ZNF710: variants seen among roughly 807,000 people sequenced by gnomAD.
The protein encoded by ZNF710 is zinc finger protein 710.
A neutral mutation model predicts 50.6 loss-of-function variants in ZNF710; 13 were observed. The observed-to-expected ratio is 0.26, with a 90% CI of 0.17 to 0.41. The LOEUF (loss-of-function observed/expected upper bound fraction) is 0.41. ZNF710 is among the 10% of genes least tolerant of loss of function. The pLI, the probability that ZNF710 is intolerant of heterozygous loss-of-function variation, is 1.00. For missense variants in ZNF710, 721 were observed against 936.6 expected (o/e 0.77, Z 3.01); for synonymous variants, 383 against 397.0 (o/e 0.96, Z 0.42).
At chr15:90,028,706 G>C (rs1429658448) in intron 1 of ZNF710, among the ~76,000 whole-genome samples, 1 of 152,334 alleles carries the variant, frequency 6.6e-6, no homozygotes, top group South Asian at 2.1e-4. Context: ...TTGTTGGGCA[G>C]TGTGGACAGA....
At chr15:90,071,969 C>A (rs537137014) in intron 2 of ZNF710, among the ~76,000 whole-genome samples, 1 of 151,966 alleles carries the variant, frequency 6.6e-6, no homozygotes, top group African/African-American at 2.4e-5. Context: ...CCACCGTGCC[C>A]GGCCTTTTTC....
intron 1 of ZNF710, among the ~76,000 whole-genome samples, chr15:90,041,768 T>C (rs1486503010): frequency 6.6e-6 from 1 of 152,192 alleles, no homozygotes; most frequent in Non-Finnish European, 1.5e-5. Context: ...AGGAGCTGGA[T>C]GGCACATGGT....
chr15:90,063,516 A>G lies in ZNF710; in HGVS notation c.-28-3594A>G, dbSNP rs1269946512. ...CTGCCCTGCCCCCACTTAGGCACAA[A>G]CCCTCAGGAACAAGGACTCTGGGTT... On this transcript the variant is annotated intron_variant, in intron 1 of 4. Transcript: ENST00000268154. 2.6e-5 allele frequency among the ~76,000 whole-genome samples: 4 copies of G among 151,978 alleles called. No individual in the cohort carries two copies. In the East Asian group the frequency reaches 7.8e-4, roughly 29 times the overall value.
At chr15:90,063,288 C>T (rs568587291) in intron 1 of ZNF710, among the ~76,000 whole-genome samples, 9 of 152,160 alleles carry the variant, frequency 5.9e-5, no homozygotes, top group African/African-American at 2.2e-4. Flanking sequence ...CCCAACTCCC[C>T]CTTCATTGAT....
At chr15:90,031,685 A>G (rs1268275118) in intron 1 of ZNF710, among the ~76,000 whole-genome samples, 1 of 152,200 alleles carries the variant, frequency 6.6e-6, no homozygotes, top group Admixed American at 6.5e-5. Flanking sequence ...TTCATGCAGC[A>G]GGGGCATCTT....
chr15:90,043,507 G>C (rs963565442), intron 1 of ZNF710, among the ~76,000 whole-genome samples: 1 of 152,242 alleles, frequency 6.6e-6, no homozygotes, highest in African/African-American at 2.4e-5. Context: ...AACCTGTTTC[G>C]GGGAAGCCTT....
At chr15:90,078,258 G>C (rs1900642024) in intron 4 of ZNF710, among the ~76,000 whole-genome samples, 1 of 151,738 alleles carries the variant, frequency 6.6e-6, no homozygotes, top group African/African-American at 2.4e-5. Context: ...CAAAGTCTAG[G>C]CCCTCTTCAG....
At chr15:90,065,035 G>A (rs899077721) in intron 1 of ZNF710, among the ~76,000 whole-genome samples, 1 of 152,168 alleles carries the variant, frequency 6.6e-6, no homozygotes, top group Non-Finnish European at 1.5e-5. Context: ...TGGTTTGGAA[G>A]CACGTTTAGC....
chr15:90,051,909 C>T (rs1899657548), intron 1 of ZNF710, among the ~76,000 whole-genome samples: 3 of 152,134 alleles, frequency 2.0e-5, no homozygotes, highest in Admixed American at 6.6e-5. Flanking sequence ...GAGGTTGAGA[C>T]ACTTGCCTGA....
chr15:90,071,670 A>ATTTTTT (rs1353899014), intron 2 of ZNF710, among the ~76,000 whole-genome samples: 4 of 140,658 alleles, frequency 2.8e-5, no homozygotes, highest in African/African-American at 1.1e-4. Context: ...TTATTTATTT[A>ATTTTTT]TTTTTACTCT....
chr15:90,019,299 C>T (rs936109942), intron 1 of ZNF710, among the ~76,000 whole-genome samples: 19 of 142,964 alleles, frequency 1.3e-4, no homozygotes, highest in African/African-American at 4.7e-4. Context: ...TTCTTTTGAA[C>T]AGATGGACTA....
intron 1 of ZNF710, among the ~76,000 whole-genome samples, chr15:90,057,933 C>T (rs1187792795): frequency 1.3e-5 from 2 of 152,066 alleles, no homozygotes; most frequent in African/African-American, 2.4e-5. Flanking sequence ...GTTCATGCCT[C>T]GACATGGGGG....
intron 1 of ZNF710, chr15:90,025,008 G>C (rs540484235): frequency 1.8e-5 from 2 of 108,612 alleles, no homozygotes; most frequent in South Asian, 5.1e-4. Flanking sequence ...AAAATAGCGT[G>C]CACGGATGTG....
At chr15:90,064,198 C>A (rs895953405) in intron 1 of ZNF710, among the ~76,000 whole-genome samples, 1 of 152,252 alleles carries the variant, frequency 6.6e-6, no homozygotes, top group Non-Finnish European at 1.5e-5. Flanking sequence ...TGCTCCTCAG[C>A]GTGCTCTGCA....
At chr15:90,013,407 T>C (rs552253301) in intron 1 of ZNF710, among the ~76,000 whole-genome samples, 6 of 152,274 alleles carry the variant, frequency 3.9e-5, no homozygotes, top group Admixed American at 2.6e-4. Context: ...TGGCCAGGTG[T>C]TGTGTGATTT....
chr15:90,066,892 C>T (rs965879517), intron 1 of ZNF710, among the ~76,000 whole-genome samples: 1 of 152,126 alleles, frequency 6.6e-6, no homozygotes, highest in Non-Finnish European at 1.5e-5. Context: ...CAGAGCTTAC[C>T]CCAGGATCTC....
chr15:90,013,664 A>T (rs1898374299), intron 1 of ZNF710, among the ~76,000 whole-genome samples: 2 of 152,116 alleles, frequency 1.3e-5, no homozygotes, highest in Admixed American at 1.3e-4. Flanking sequence ...ACCCACAGCT[A>T]ACACTAAGAT....
Position 90,080,906 on chromosome 15 carries a change from T to C in ZNF710, c.*1077T>C, listed in dbSNP as rs1285708380. On this transcript the variant is annotated 3_prime_UTR_variant, in exon 5 of 5. Transcript: ENST00000268154. Reference sequence around the variant, plus strand: ...TCCAACTGTGTGTCACCTATGACCTTTTCTGATGGAGATGCATTTTCTTTT... The same window carrying C: ...TCCAACTGTGTGTCACCTATGACCTCTTCTGATGGAGATGCATTTTCTTTT... 2 of 152,258 alleles carry C rather than the reference T, an allele frequency of 1.3e-5. No individual in the cohort carries two copies. Among genetic ancestry groups the C allele is most frequent in the Non-Finnish European group, 1.5e-5 (1 of 68,052 alleles). 9.4% of individuals were successfully genotyped at this position (152,258 alleles called of 1,614,324 possible).
At chr15:90,013,794 C>T (rs1648854741) in intron 1 of ZNF710, among the ~76,000 whole-genome samples, 1 of 152,172 alleles carries the variant, frequency 6.6e-6, no homozygotes, top group Admixed American at 6.5e-5. Flanking sequence ...CAATTAAAAA[C>T]TCAGTATCTC....
Sources: allele counts gnomAD v4.1 joint callset (sites outside exome capture counted in the v4.1 genomes callset), GRCh38; gene constraint gnomAD v4.1.1; transcripts MANE v1.5; gene names NCBI Gene and HGNC (gene_info 2026-07-23, HGNC 2026-07-21).